Variants in ATP11B observed in about 807,000 individuals in gnomAD.
ATP11B encodes the protein ATPase phospholipid transporting 11B (putative), also known as phospholipid-transporting ATPase IF.
ATP11B carries 81 observed loss-of-function variants against 157.8 expected under a neutral mutation model. The observed-to-expected ratio is 0.51, with a 90% confidence interval of 0.43 to 0.62. The LOEUF is 0.62. Among genes scored for constraint, ATP11B ranks in the 20% least tolerant of loss-of-function variants. The probability of loss-of-function intolerance (pLI) is 0.00; values close to 1 mark genes in which losing one functional copy is unlikely to be tolerated. For synonymous variants in ATP11B, 451 were observed against 469.4 expected (o/e 0.96, Z 0.51); for missense variants, 1,165 against 1,402.2 (o/e 0.83, Z 2.70).
chr3:182,914,467 G>A (rs1328554205), intron 29 of ATP11B: 1 of 985,014 alleles, frequency 1.0e-6, no homozygotes, highest in South Asian at 4.7e-5. Flanking sequence ...GAGGCTTTGA[G>A]GTATTTATAA....
chr3:182,862,871 T>A (rs1720949507), intron 12 of ATP11B, among the ~76,000 whole-genome samples: 1 of 151,904 alleles, frequency 6.6e-6, no homozygotes, highest in Admixed American at 6.6e-5. Flanking sequence ...GATAATTAAA[T>A]GTGCTCAACC....
At chr3:182,806,347 A>T (rs1027505516) in intron 1 of ATP11B, among the ~76,000 whole-genome samples, 2 of 152,052 alleles carry the variant, frequency 1.3e-5, no homozygotes, top group African/African-American at 4.8e-5. Context: ...GTTTTTTCAT[A>T]TTGTTTTTCC....
At chr3:182,805,649 T>C (rs1413808520) in intron 1 of ATP11B, among the ~76,000 whole-genome samples, 1 of 150,348 alleles carries the variant, frequency 6.7e-6, no homozygotes, top group African/African-American at 2.4e-5. Context: ...TTAGTAATGA[T>C]GGGGTTTCTC....
intron 10 of ATP11B, among the ~76,000 whole-genome samples, chr3:182,851,333 C>G (rs1719962737): frequency 6.6e-6 from 1 of 152,066 alleles, no homozygotes; most frequent in South Asian, 2.1e-4. Flanking sequence ...TTCAAAGAAC[C>G]AACTTTTGGC....
At chr3:182,841,977 CAAAAA>C in intron 7 of ATP11B, 93 bp from the exon 8 acceptor site, 37 of 359,722 alleles carry the variant, frequency 1.0e-4, no homozygotes, top group East Asian at 1.9e-4. Flanking sequence ...AGACTCGTCT[CAAAAA>C]AAAAAAAAAA....
chr3:182,896,889 C>T, intron 26 of ATP11B, 124 bp downstream of exon 26: 1 of 703,502 alleles, frequency 1.4e-6, no homozygotes, highest in Non-Finnish European at 2.4e-6. Context: ...ATTAATTTCA[C>T]TGGTTACTAT....
intron 1 of ATP11B, among the ~76,000 whole-genome samples, chr3:182,795,165 C>T (rs974237615): frequency 2.0e-5 from 3 of 149,380 alleles, no homozygotes; most frequent in African/African-American, 7.6e-5. Context: ...CTAATGATGT[C>T]ATTATAATAC....
chr3:182,835,416 T>C (rs1718473167), intron 4 of ATP11B, among the ~76,000 whole-genome samples: 1 of 152,306 alleles, frequency 6.6e-6, no homozygotes, highest in East Asian at 1.9e-4. Flanking sequence ...AACAATAGAA[T>C]TTAGTGATTG....
intron 1 of ATP11B, among the ~76,000 whole-genome samples, chr3:182,811,408 C>T (rs1406056800): frequency 6.6e-6 from 1 of 152,158 alleles, no homozygotes; most frequent in Non-Finnish European, 1.5e-5. Context: ...TGGCAAGGCT[C>T]TGCAATCCAT....
intron 28 of ATP11B, among the ~76,000 whole-genome samples, chr3:182,911,339 C>G (rs920250314): frequency 1.4e-5 from 2 of 145,136 alleles, no homozygotes; most frequent in African/African-American, 2.6e-5. Context: ...TTCATGCCCT[C>G]CCACCAGTAC....
chr3:182,844,643 A>T, intron 8 of ATP11B: 1 of 598,168 alleles, frequency 1.7e-6, no homozygotes, highest in South Asian at 7.4e-5. Flanking sequence ...AAGCACTAAC[A>T]TACCTTGTAC....
rs1162486094 is a variant in ATP11B, at chr3:182,918,222, A to C, written c.*118A>C. On this transcript the variant is annotated 3_prime_UTR_variant, in exon 30 of 30. Transcript: ENST00000323116. ...ATTTCCAAAATCTTTGTAGTAGTTC[A>C]TACCCACTCAGAGTTATAATGGCAA... 1.4e-6 allele frequency: 2 copies of C among 1,425,330 alleles called. No homozygotes were observed. Among genetic ancestry groups the C allele is most frequent in the Non-Finnish European group, 1.9e-6 (2 of 1,058,180 alleles). The allele number at this position is 1,425,330 out of a possible 1,614,324, so 88.3% of individuals were successfully genotyped here. A position where few individuals can be genotyped will look rare whatever the true frequency, so the allele number is the denominator to read the frequency against.
chr3:182,882,281 A>G (rs897744671), intron 21 of ATP11B, among the ~76,000 whole-genome samples: 1 of 152,122 alleles, frequency 6.6e-6, no homozygotes, highest in African/African-American at 2.4e-5. Flanking sequence ...ATTTTCCATA[A>G]ATTTTCATAG....
chr3:182,806,170 G>A (rs562883016), intron 1 of ATP11B, among the ~76,000 whole-genome samples: 3 of 152,132 alleles, frequency 2.0e-5, no homozygotes, highest in Non-Finnish European at 4.4e-5. Flanking sequence ...TTAGCTCTAC[G>A]TATTGGAGAT....
chr3:182,850,591 C>T (rs1171468541), intron 10 of ATP11B, among the ~76,000 whole-genome samples: 2 of 152,026 alleles, frequency 1.3e-5, no homozygotes, highest in African/African-American at 4.8e-5. Context: ...ATAACAGATG[C>T]TGGCAGGGAT....
chr3:182,819,590 A>T (rs1320436836), intron 1 of ATP11B, among the ~76,000 whole-genome samples: 1 of 152,166 alleles, frequency 6.6e-6, no homozygotes, highest in African/African-American at 2.4e-5. Context: ...AAAGGCCAGG[A>T]ATTACAGCAT....
chr3:182,820,418 T>C (rs747354961), intron 2 of ATP11B, 42 bp downstream of exon 2: 39 of 1,304,686 alleles, frequency 3.0e-5, no homozygotes, highest in Non-Finnish European at 4.1e-5. Context: ...GTGCAGTGGC[T>C]CATACCCATC....
chr3:182,872,160 A>AT (rs1721712706), intron 17 of ATP11B, among the ~76,000 whole-genome samples, 196 bp from the exon 18 acceptor site: 1 of 152,248 alleles, frequency 6.6e-6, no homozygotes, highest in African/African-American at 2.4e-5. Context: ...TGAAAGAGGT[A>AT]TATGTGTCCC....
chr3:182,920,039 T>TAAC lies in ATP11B; in HGVS notation c.*1938_*1940dup, dbSNP rs1252748154. 6.6e-6 allele frequency: 1 copy of TAAC among 152,150 alleles called. No homozygotes were observed. The highest frequency in any genetic ancestry group is 1.5e-5 in the Non-Finnish European group (1 of 68,032). 9.4% of individuals were successfully genotyped at this position (152,150 alleles called of 1,614,324 possible). ...TAAAATCTCTTATAAAACGTGCATA[T>TAAC]AACAAAATGACACCCAGTAGGCCTG... On this transcript the variant is annotated 3_prime_UTR_variant, in exon 30 of 30. Coordinates refer to ENST00000323116, the MANE Select transcript of ATP11B (RefSeq NM_014616.3).
Sources: allele counts gnomAD v4.1 joint callset (sites outside exome capture counted in the v4.1 genomes callset), GRCh38; gene constraint gnomAD v4.1.1; transcripts MANE v1.5; gene names NCBI Gene and HGNC (gene_info 2026-07-23, HGNC 2026-07-21).